DLAT: variants seen among roughly 807,000 people sequenced by gnomAD.
The protein encoded by DLAT is dihydrolipoyllysine-residue acetyltransferase component of pyruvate dehydrogenase complex, mitochondrial.
DLAT carries 43 observed loss-of-function variants against 68.0 expected under a neutral mutation model. That is an observed-to-expected ratio of 0.63 (90% CI 0.50 to 0.81). DLAT has a LOEUF of 0.81. DLAT is among the 40% of genes least tolerant of loss of function. DLAT has a pLI of 0.00. For missense variants in DLAT, 745 were observed against 815.4 expected (o/e 0.91, Z 1.05); for synonymous variants, 265 against 288.6 (o/e 0.92, Z 0.83).
chr11:112,039,439 T>C, intron 7 of DLAT, 42 bp downstream of exon 7: 1 of 1,604,814 alleles, frequency 6.2e-7, no homozygotes, highest in Non-Finnish European at 8.5e-7. Context: ...AAGTTAAAAT[T>C]TAGTTGAATT....
intron 4 of DLAT, among the ~76,000 whole-genome samples, chr11:112,031,520 G>A (rs374546220): frequency 4.0e-5 from 6 of 151,788 alleles, no homozygotes; most frequent in Non-Finnish European, 7.4e-5. Context: ...GGGTTCAAGC[G>A]ATTCTCCTGC....
chr11:112,033,586 G>T, intron 5 of DLAT, 56 bp downstream of exon 5: 1 of 1,602,142 alleles, frequency 6.2e-7, no homozygotes, highest in Non-Finnish European at 8.5e-7. Context: ...ATGAGGAAGA[G>T]GATTGCCATT....
At chr11:112,053,906 C>T (rs191608503) in intron 11 of DLAT, among the ~76,000 whole-genome samples, 31 of 152,240 alleles carry the variant, frequency 2.0e-4, no homozygotes, top group Non-Finnish European at 3.7e-4. Flanking sequence ...AGCTTTAGCT[C>T]CAGTCTTGGG....
rs782810928 is a variant in DLAT at position 112,060,007 on chromosome 11, ATGT to A, written c.1624_1626del (p.Val542del). ...AAAGGAGTGGAAACCATTGCTAATGATGTTGTTTCTTTAGCAACCAAAGCAAGA... is the reference window on the plus strand; with the variant it reads ...AAAGGAGTGGAAACCATTGCTAATGATGTTTCTTTAGCAACCAAAGCAAGA... On this transcript the variant is annotated inframe_deletion, in exon 12 of 14. Coordinates refer to ENST00000280346, the MANE Select transcript of DLAT (RefSeq NM_001931.5). 31 of 1,614,084 alleles carry A rather than the reference ATGT, an allele frequency of 1.9e-5. No homozygotes were observed. Among genetic ancestry groups the A allele is most frequent in the Non-Finnish European group, 5.9e-6 (7 of 1,179,996 alleles).
In DLAT at chr11:112,051,317, A is replaced by G. The variant is rs1363152098; in HGVS notation, c.1482A>G (p.Ala494=). 6.2e-7 allele frequency: 1 copy of G among 1,613,632 alleles called. No individual in the cohort carries two copies. Among genetic ancestry groups the G allele is most frequent in the South Asian group, 1.1e-5 (1 of 91,072 alleles). Residue 494 remains alanine, a synonymous_variant, in exon 11 of 14, where the codon GCA becomes GCG. Transcript: ENST00000280346. This position sits in a 1 kb window ranked among gnomAD's most constrained non-coding sequence, Gnocchi z 4.3. ...TGGCATGTTTAAAAGTTCCCGAAGC[A>G]AATTCTTCTTGGATGGACACAGTTA... is the stretch of plus-strand genomic sequence containing the variant. ...SALACLKVPE[A]NSSWMDTVIR...
At chr11:112,033,659 G>T in intron 5 of DLAT, 129 bp downstream of exon 5, 1 of 1,024,928 alleles carries the variant, frequency 9.8e-7, no homozygotes. Flanking sequence ...CATTTTCTGG[G>T]ACAGAATATT....
At chr11:112,040,207 A>AT (rs1862979735) in intron 7 of DLAT, among the ~76,000 whole-genome samples, 1 of 152,194 alleles carries the variant, frequency 6.6e-6, no homozygotes, top group African/African-American at 2.4e-5. Flanking sequence ...TTAGTGTAGG[A>AT]TAACTAAGGT....
chr11:112,026,444 T>C (rs1862018369), intron 2 of DLAT, 145 bp downstream of exon 2: 1 of 434,944 alleles, frequency 2.3e-6, no homozygotes, highest in South Asian at 3.0e-5. Flanking sequence ...CAAAGGTCTC[T>C]GGTTTTCCTA....
intron 7 of DLAT, among the ~76,000 whole-genome samples, chr11:112,041,618 C>T (rs141101101): frequency 6.6e-6 from 1 of 152,302 alleles, no homozygotes; most frequent in South Asian, 2.1e-4. Flanking sequence ...CGCAATGGCT[C>T]ACGCCTGTAA....
chr11:112,056,510 G>A (rs587765820), intron 11 of DLAT, among the ~76,000 whole-genome samples: 48 of 152,240 alleles, frequency 3.2e-4, no homozygotes, highest in African/African-American at 1.1e-3. Context: ...GTTGTAGCAT[G>A]TATCTGTAGT....
At chr11:112,052,579 G>A (rs587623040) in intron 11 of DLAT, among the ~76,000 whole-genome samples, 1 of 152,260 alleles carries the variant, frequency 6.6e-6, no homozygotes, top group Admixed American at 6.5e-5. Flanking sequence ...TTGAGGTGGG[G>A]TGGTGCAGAG....
At chr11:112,046,602 C>T (rs1262329614) in intron 10 of DLAT, among the ~76,000 whole-genome samples, 1 of 152,068 alleles carries the variant, frequency 6.6e-6, no homozygotes, top group Non-Finnish European at 1.5e-5. Flanking sequence ...TCTCCTAATG[C>T]TATCCCTCCC....
intron 10 of DLAT, among the ~76,000 whole-genome samples, chr11:112,049,492 T>C (rs781953560): frequency 1.4e-4 from 21 of 152,184 alleles, no homozygotes; most frequent in Non-Finnish European, 2.9e-4. Flanking sequence ...ATTTTATTCT[T>C]TTTGATACTA....
intron 4 of DLAT, 45 bp downstream of exon 4, chr11:112,028,990 T>G (rs1862251001): frequency 1.2e-6 from 2 of 1,610,620 alleles, no homozygotes; most frequent in Non-Finnish European, 1.7e-6. Context: ...ATTACTTACT[T>G]ACTCACTTTT....
At chr11:112,030,116 A>T (rs1862316242) in intron 4 of DLAT, 4 of 763,084 alleles carry the variant, frequency 5.2e-6, no homozygotes, top group South Asian at 1.3e-5. Flanking sequence ...CGACTCCAGT[A>T]CCATCTCCAT....
At position 112,033,418 on chromosome 11, in the gene DLAT, C is replaced by T. The variant is rs782220140; in HGVS notation, c.675C>T (p.Ala225=). The T allele has an allele frequency of 1.1e-4, 177 of 1,613,496 alleles. No individual in the cohort carries two copies. The highest frequency in any genetic ancestry group is 1.3e-4 in the Non-Finnish European group (157 of 1,179,824). Residue 225 remains alanine (A), a synonymous_variant, in exon 5 of 14, where the codon GCC becomes GCT. Coordinates refer to ENST00000280346, the MANE Select transcript of DLAT (RefSeq NM_001931.5). ...TGTTTCTGCAGGTACTTCTTCCTGC[C>T]CTCTCTCCCACCATGACCATGGGCA... ...YPPHMQVLLP[A]LSPTMTMGTV...
chr11:112,033,363 T>A, intron 4 of DLAT, 41 bp from the exon 5 acceptor site: 1 of 1,607,650 alleles, frequency 6.2e-7, no homozygotes, highest in South Asian at 1.1e-5. Context: ...TATGTAGAAG[T>A]CTTCCTGGTA....
rs782343913 is a variant in DLAT, at chr11:112,045,941, G to A, written c.1369G>A (p.Val457Ile). 2 of 1,608,194 alleles carry A rather than the reference G, an allele frequency of 1.2e-6. No homozygotes were observed. Among genetic ancestry groups the A allele is most frequent in the South Asian group, 1.1e-5 (1 of 90,936 alleles). Residue 457 changes from valine (V) to isoleucine (I), a missense_variant, in exon 10 of 14, where the codon GTT becomes ATT. Physicochemically the swap from Val to Ile is conservative, Grantham distance 29. Coordinates refer to ENST00000280346, the MANE Select transcript of DLAT (RefSeq NM_001931.5). ...YLSIDVNMGE[V>I]LLVRKELNKI... The stretch of plus-strand genomic sequence containing the variant: ...TTCTATCGATGTAAATATGGGAGAA[G>A]TTTTGTTGGTACGGAAAGAACTTAA...
chr11:112,061,182 C>T lies in DLAT; in HGVS notation c.1814+8C>T. Reference sequence around the variant, plus strand: ...TGCAGATAATGAAAAAGGGTAAGTGCCAAAATGGAGGGGAAGTCGTAAGCT... The same window carrying T: ...TGCAGATAATGAAAAAGGGTAAGTGTCAAAATGGAGGGGAAGTCGTAAGCT... On this transcript the variant is annotated splice_region_variant and intron_variant, in intron 13 of 13. Transcript: ENST00000280346. 6.2e-7 allele frequency: 1 copy of T among 1,613,822 alleles called. No individual in the cohort carries two copies.
Sources: allele counts gnomAD v4.1 joint callset (sites outside exome capture counted in the v4.1 genomes callset), GRCh38; gene constraint gnomAD v4.1.1; non-coding constraint Gnocchi (gnomAD v3.1); transcripts MANE v1.5; gene names NCBI Gene and HGNC (gene_info 2026-07-23, HGNC 2026-07-21).